Variants in COMMD1 observed in about 807,000 individuals in gnomAD.
COMMD1 encodes COMM domain-containing protein 1.
COMMD1 carries 10 observed loss-of-function variants against 17.2 expected under a neutral mutation model. The observed-to-expected ratio is 0.58, with a 90% confidence interval of 0.36 to 0.99. COMMD1 has a LOEUF of 0.99. Among genes scored for constraint, COMMD1 ranks in the 50% least tolerant of loss-of-function variants. The probability of loss-of-function intolerance (pLI) is 0.01; values close to 1 mark genes in which losing one functional copy is unlikely to be tolerated. For synonymous variants in COMMD1, 97 were observed against 91.6 expected (o/e 1.06, Z -0.34); for missense variants, 270 against 231.8 (o/e 1.17, Z -1.07).
chr2:62,094,629 T>G (rs115906174), intron 2 of COMMD1, among the ~76,000 whole-genome samples: 1 of 152,256 alleles, frequency 6.6e-6, no homozygotes, highest in African/African-American at 2.4e-5. Flanking sequence ...AAAAATAACC[T>G]AAATTGTGCA....
chr2:62,057,095 G>C (rs1170197429), intron 2 of COMMD1, among the ~76,000 whole-genome samples: 1 of 151,980 alleles, frequency 6.6e-6, no homozygotes, highest in Non-Finnish European at 1.5e-5. Context: ...CAACTAAATG[G>C]GACCATCTAG....
At chr2:62,076,792 G>T (rs1002191555) in intron 2 of COMMD1, among the ~76,000 whole-genome samples, 10 of 151,966 alleles carry the variant, frequency 6.6e-5, no homozygotes, top group South Asian at 6.2e-4. Context: ...GAAGGAGAAA[G>T]CAGGGGCATA....
At chr2:61,988,385 C>T (rs761947160) in intron 1 of COMMD1, among the ~76,000 whole-genome samples, 4 of 152,112 alleles carry the variant, frequency 2.6e-5, no homozygotes, top group Non-Finnish European at 2.9e-5. Flanking sequence ...TGATGAATCC[C>T]GCCAGCAGTG....
intron 1 of COMMD1, among the ~76,000 whole-genome samples, chr2:61,941,738 A>G (rs1670753782): frequency 1.3e-5 from 2 of 152,182 alleles, no homozygotes; most frequent in South Asian, 4.1e-4. Flanking sequence ...TCCTGCATTA[A>G]CCCAAACAAG....
chr2:61,888,852 T>A, intron 1 of COMMD1: 1 of 300,588 alleles, frequency 3.3e-6, no homozygotes. Context: ...GGTGAGGACA[T>A]CCGCATTTCC....
intron 2 of COMMD1, among the ~76,000 whole-genome samples, chr2:62,032,034 C>G (rs1256888775): frequency 6.6e-6 from 1 of 152,194 alleles, no homozygotes; most frequent in East Asian, 1.9e-4. Context: ...CACAATCTAA[C>G]ACTTCATACA....
intron 2 of COMMD1, among the ~76,000 whole-genome samples, chr2:62,079,151 G>T (rs1358723921): frequency 6.6e-6 from 1 of 152,150 alleles, no homozygotes; most frequent in Non-Finnish European, 1.5e-5. Context: ...CAGATCTTGT[G>T]CAAGAAAGAA....
intron 2 of COMMD1, among the ~76,000 whole-genome samples, chr2:62,078,001 C>T (rs1178797473): frequency 6.6e-6 from 1 of 152,038 alleles, no homozygotes; most frequent in African/African-American, 2.4e-5. Context: ...TGGGACTGGG[C>T]ATAGTGGCTC....
At chr2:62,056,594 G>A (rs1670708047) in intron 2 of COMMD1, among the ~76,000 whole-genome samples, 1 of 152,222 alleles carries the variant, frequency 6.6e-6, no homozygotes, top group Admixed American at 6.5e-5. Context: ...TTATGGGGGC[G>A]ATGAGTGAAC....
rs377418979 is a variant in COMMD1, at chr2:61,889,508, C to T, written n.119+666C>T. ...TTACAGGCGTGAGCCACCGCGCCCA[C>T]CCGGAGGTGCCCTCCTTTAACTCCG... On this transcript the variant is annotated intron_variant and non_coding_transcript_variant, in intron 1 of 2. Transcript: ENST00000472729. Among the ~76,000 whole-genome samples, 87 of 152,262 alleles carry T rather than the reference C, an allele frequency of 5.7e-4. 1 individual carries two copies. The highest frequency in any genetic ancestry group is 1.6e-3 in the African/African-American group (68 of 41,544).
intron 1 of COMMD1, among the ~76,000 whole-genome samples, chr2:61,892,694 CAAA>C (rs58162146): frequency 8.1e-5 from 9 of 110,588 alleles, no homozygotes; most frequent in Non-Finnish European, 9.5e-5. Context: ...AACTCTGTCT[CAAA>C]AAAAAAAAAA....
rs149825551 is a variant in COMMD1 at position 62,004,553 on chromosome 2, C to T, written c.462+3571C>T. ...TCCTGACCTCGTGATCCACCCACCT[C>T]GGCCTCCCAAAGTGCTGGGATTACA... On this transcript the variant is annotated intron_variant, in intron 2 of 2. Transcript: ENST00000311832. Among the ~76,000 whole-genome samples the T allele has an allele frequency of 5.5e-3, 835 of 152,244 alleles. 11 individuals carry two copies. The highest frequency in any genetic ancestry group is 0.019 in the African/African-American group (790 of 41,524).
At chr2:62,015,200 C>T (rs1669403116) in intron 2 of COMMD1, among the ~76,000 whole-genome samples, 1 of 152,166 alleles carries the variant, frequency 6.6e-6, no homozygotes, top group Non-Finnish European at 1.5e-5. Context: ...CTCTTCAGCC[C>T]CTGGTAACCT....
Position 62,117,993 on chromosome 2 carries a change from C to T in COMMD1, c.463-17838C>T, listed in dbSNP as rs569061387. Among the ~76,000 whole-genome samples, 102 of 5,024 alleles carry T rather than the reference C, an allele frequency of 0.02. 1 individual carries two copies. The African/African-American group carries it at 0.31, about 15-fold the overall frequency. 3.3% of individuals were successfully genotyped at this position (5,024 alleles called of 152,430 possible). ...TTTCTTCCCTAGTTAGGACCTGACT[C>T]CTACTCTGCGTTTTGTAAAGGACGG... On this transcript the variant is annotated intron_variant, in intron 2 of 2. Transcript: ENST00000311832.
chr2:61,975,011 AG>A (rs1671756627), intron 1 of COMMD1, among the ~76,000 whole-genome samples: 1 of 151,532 alleles, frequency 6.6e-6, no homozygotes, highest in South Asian at 2.1e-4. Context: ...ATTGTCATCT[AG>A]GTGGAATCAT....
At chr2:61,923,339 A>G (rs1237395579) in intron 1 of COMMD1, among the ~76,000 whole-genome samples, 1 of 152,138 alleles carries the variant, frequency 6.6e-6, no homozygotes, top group Non-Finnish European at 1.5e-5. Flanking sequence ...ATATACATTA[A>G]ACTATGTGCA....
At chr2:61,888,660 G>C, upstream of COMMD1, 2 of 859,040 alleles carry the variant, frequency 2.3e-6, no homozygotes, top group Non-Finnish European at 3.4e-6. Context: ...GGAGAAGGGG[G>C]CCTTCCTTGC....
intron 2 of COMMD1, among the ~76,000 whole-genome samples, chr2:62,017,610 C>T (rs1285240454): frequency 6.6e-6 from 1 of 151,730 alleles, no homozygotes; most frequent in African/African-American, 2.4e-5. Flanking sequence ...TTTGAGGCTG[C>T]AGTGAGCTGT....
intron 1 of COMMD1, among the ~76,000 whole-genome samples, chr2:61,956,556 C>T (rs181181999): frequency 3.3e-5 from 5 of 151,390 alleles, no homozygotes; most frequent in South Asian, 2.1e-4. Context: ...ATTACAGGTG[C>T]GCACCACCAC....
Sources: allele counts gnomAD v4.1 joint callset (sites outside exome capture counted in the v4.1 genomes callset), GRCh38; gene constraint gnomAD v4.1.1; transcripts MANE v1.5; gene names NCBI Gene and HGNC (gene_info 2026-07-23, HGNC 2026-07-21).